Variants in MGA observed in about 807,000 individuals in gnomAD.
The protein encoded by MGA is MAX dimerization protein MGA.
In MGA, 40 loss-of-function variants were observed where a neutral mutation model predicts 261.1. The ratio of observed to expected loss-of-function variants is 0.15; its 90% CI spans 0.12 to 0.20. MGA has a LOEUF of 0.20. MGA is among the 10% of genes least tolerant of loss of function. The probability of loss-of-function intolerance (pLI) is 1.00; values close to 1 mark genes in which losing one functional copy is unlikely to be tolerated. For synonymous variants in MGA, 1,302 were observed against 1,290.6 expected (o/e 1.01, Z -0.19); for missense variants, 3,397 against 3,630.5 (o/e 0.94, Z 1.65).
intron 1 of MGA, among the ~76,000 whole-genome samples, chr15:41,643,301 C>T (rs544980007): frequency 4.6e-5 from 7 of 150,778 alleles, no homozygotes; most frequent in African/African-American, 7.3e-5. Flanking sequence ...AGTGCAGTGG[C>T]GTGACCTTGG....
intron 1 of MGA, among the ~76,000 whole-genome samples, chr15:41,627,442 T>C (rs1250103099): frequency 6.6e-6 from 1 of 152,248 alleles, no homozygotes; most frequent in Non-Finnish European, 1.5e-5. Flanking sequence ...TGTAGCATGT[T>C]ACTCAATTGG....
At position 41,766,676 on chromosome 15, in the gene MGA, G is replaced by A. The variant is rs2063813388; in HGVS notation, c.8594G>A (p.Ser2865Asn). 5.0e-6 allele frequency: 8 copies of A among 1,614,018 alleles called. No homozygotes were observed. The highest frequency in any genetic ancestry group is 6.8e-6 in the Non-Finnish European group (8 of 1,179,902). ...GGGGATGCTCGGCGGGCTTTTATTAGTAAGGTTCCTCCTGGAAGCAGAGCA... is the reference window on the plus strand; with the variant it reads ...GGGGATGCTCGGCGGGCTTTTATTAATAAGGTTCCTCCTGGAAGCAGAGCA... The change falls in exon 24 of 24, where the codon AGT (serine) becomes AAT (asparagine). Residue 2865 changes from serine (S) to asparagine (N), a missense_variant. Around this residue, in one of 9 missense-constraint regions of MGA, gnomAD observed 647 missense variants for 642.4 expected, o/e 1.01. Coordinates refer to ENST00000219905, the MANE Select transcript of MGA (RefSeq NM_001164273.2).
intron 13 of MGA, 27 bp from the exon 14 acceptor site, chr15:41,739,879 A>G (rs762162694): frequency 6.3e-7 from 1 of 1,599,204 alleles, no homozygotes; most frequent in Non-Finnish European, 8.5e-7. Context: ...TTATCTTTAC[A>G]GAATTTCTCT....
Position 41,628,311 on chromosome 15 carries a change from G to A in MGA, c.-68+7013G>A, listed in dbSNP as rs148654794. ...TATCTTGAACCCGGGAGGTTGCGGT[G>A]AGCTGAGATCGTGCCACTGCTCTCC... On this transcript the variant is annotated intron_variant, in intron 1 of 8. Transcript: ENST00000566718. Among the ~76,000 whole-genome samples, 242 of 147,442 alleles carry A rather than the reference G, an allele frequency of 1.6e-3. 1 individual carries two copies. The highest frequency in any genetic ancestry group is 5.9e-3 in the African/African-American group (233 of 39,436).
intron 2 of MGA, among the ~76,000 whole-genome samples, chr15:41,689,962 A>C (rs2059183603): frequency 6.6e-6 from 1 of 152,228 alleles, no homozygotes; most frequent in African/African-American, 2.4e-5. Flanking sequence ...CTACCAACTG[A>C]AAGTGTAGAG....
Position 41,699,118 on chromosome 15 carries a change from C to A in MGA, c.2147C>A (p.Thr716Asn). The A allele has an allele frequency of 6.2e-7, 1 of 1,612,088 alleles. No homozygotes were observed. The highest frequency in any genetic ancestry group is 1.1e-5 in the South Asian group (1 of 90,610). Residue 716 changes from threonine to asparagine, a missense_variant, in exon 5 of 24, where the codon ACT becomes AAT. By Grantham distance (65) the Thr-to-Asn change is moderately conservative. Transcript: ENST00000219905. ...AAGGAATTGATAGAAGATTTGAAGACTTTGCGGCACAAGCAGGTGATACAT... is the reference window on the plus strand; with the variant it reads ...AAGGAATTGATAGAAGATTTGAAGAATTTGCGGCACAAGCAGGTGATACAT...
intron 17 of MGA, among the ~76,000 whole-genome samples, chr15:41,753,858 CTG>C (rs1405626575): frequency 6.6e-6 from 1 of 152,160 alleles, no homozygotes; most frequent in African/African-American, 2.4e-5. Context: ...AGAAATAACA[CTG>C]AAGCATCAGT....
chr15:41,629,475 G>A (rs969562868), intron 1 of MGA, among the ~76,000 whole-genome samples: 1 of 152,098 alleles, frequency 6.6e-6, no homozygotes, highest in East Asian at 1.9e-4. Context: ...TCAGGGTTGC[G>A]AATATACCTT....
intron 12 of MGA, among the ~76,000 whole-genome samples, chr15:41,735,476 G>C (rs1429746233): frequency 1.3e-5 from 2 of 152,146 alleles, no homozygotes; most frequent in East Asian, 3.8e-4. Flanking sequence ...AGTGGCTCAC[G>C]CCTGTAATCC....
intron 1 of MGA, among the ~76,000 whole-genome samples, chr15:41,637,472 C>T (rs996426735): frequency 6.6e-6 from 1 of 152,096 alleles, no homozygotes; most frequent in Non-Finnish European, 1.5e-5. Flanking sequence ...TCAAAGGCAA[C>T]AAAGACTGTA....
At chr15:41,755,260 T>A (rs1046326023) in intron 18 of MGA, among the ~76,000 whole-genome samples, 5 of 152,236 alleles carry the variant, frequency 3.3e-5, no homozygotes, top group Non-Finnish European at 5.9e-5. Context: ...TACGATGATA[T>A]GAAAGTAGCT....
At chr15:41,757,670 T>C in intron 18 of MGA, 118 bp from the exon 19 acceptor site, 1 of 671,874 alleles carries the variant, frequency 1.5e-6, no homozygotes, top group Non-Finnish European at 2.6e-6. Flanking sequence ...TGTGGCCATA[T>C]ATCACACCTT....
chr15:41,729,803 C>A (rs983919173), intron 11 of MGA, among the ~76,000 whole-genome samples: 2 of 152,074 alleles, frequency 1.3e-5, no homozygotes, highest in African/African-American at 4.8e-5. Flanking sequence ...CCACTTTACT[C>A]CAGCCTGGGT....
chr15:41,725,658 A>G (rs1472116290), intron 9 of MGA, among the ~76,000 whole-genome samples: 2 of 44,536 alleles, frequency 4.5e-5, no homozygotes, highest in African/African-American at 1.2e-4. Flanking sequence ...AAACGGTGAA[A>G]CCCCGTCTCT....
intron 1 of MGA, among the ~76,000 whole-genome samples, chr15:41,637,544 G>A (rs2056735649): frequency 6.6e-6 from 1 of 152,110 alleles, no homozygotes; most frequent in South Asian, 2.1e-4. Context: ...GCTCCCAGAA[G>A]GAATGTGGTG....
At chr15:41,747,679 G>T (rs1327082586) in intron 15 of MGA, among the ~76,000 whole-genome samples, 1 of 152,090 alleles carries the variant, frequency 6.6e-6, no homozygotes, top group Non-Finnish European at 1.5e-5. Context: ...CTGGGTGACA[G>T]AGTGCGATGC....
chr15:41,627,251 C>T lies in MGA; in HGVS notation c.-68+5953C>T, dbSNP rs2056478184. Among the ~76,000 whole-genome samples, 7 of 152,222 alleles carry T rather than the reference C, an allele frequency of 4.6e-5. No homozygotes were observed. In the South Asian group the frequency reaches 1.5e-3, roughly 32 times the overall value. ...TGATACATTATTATTAACGAAAGTC[C>T]ATAGTTTATTCAGATTTCCTTTTTA... is the stretch of plus-strand genomic sequence containing the variant. On this transcript the variant is annotated intron_variant, in intron 1 of 8. Coordinates refer to the MGA transcript ENST00000566718.
At chr15:41,737,308 G>A (rs1166816345) in intron 13 of MGA, among the ~76,000 whole-genome samples, 2 of 149,152 alleles carry the variant, frequency 1.3e-5, no homozygotes, top group East Asian at 3.9e-4. Context: ...GTTTGTGTGT[G>A]TTTTTTTTTG....
At chr15:41,745,117 T>G (rs1484523276) in intron 15 of MGA, among the ~76,000 whole-genome samples, 1 of 151,972 alleles carries the variant, frequency 6.6e-6, no homozygotes, top group African/African-American at 2.4e-5. Context: ...GACCTCATGA[T>G]CGGCCTGCCT....
Sources: allele counts gnomAD v4.1 joint callset (sites outside exome capture counted in the v4.1 genomes callset), GRCh38; gene constraint gnomAD v4.1.1; regional missense constraint gnomAD v4.1.1; transcripts MANE v1.5; gene names NCBI Gene and HGNC (gene_info 2026-07-23, HGNC 2026-07-21).